Variants in MYH11 observed in about 807,000 individuals in gnomAD.
MYH11 encodes the protein myosin-11.
A neutral mutation model predicts 246.6 loss-of-function variants in MYH11; 80 were observed. The ratio of observed to expected loss-of-function variants is 0.32; its 90% CI spans 0.27 to 0.39. The LOEUF (loss-of-function observed/expected upper bound fraction) is 0.39. Among genes scored for constraint, MYH11 ranks in the 10% least tolerant of loss-of-function variants. The probability of loss-of-function intolerance (pLI) is 1.00; values close to 1 mark genes in which losing one functional copy is unlikely to be tolerated. For missense variants in MYH11, 2,158 were observed against 2,546.8 expected (o/e 0.85, Z 3.29); for synonymous variants, 1,071 against 1,015.5 (o/e 1.05, Z -1.04).
intron 20 of MYH11, among the ~76,000 whole-genome samples, chr16:15,744,655 A>G (rs1490879282): frequency 6.6e-6 from 1 of 151,932 alleles, no homozygotes; most frequent in Non-Finnish European, 1.5e-5. Flanking sequence ...GGTGCCTGCC[A>G]CCATACCCAG....
Position 15,831,609 on chromosome 16 carries a change from A to G in MYH11, c.345+6299T>C, listed in dbSNP as rs181292107. Among the ~76,000 whole-genome samples, 177 of 152,056 alleles carry G rather than the reference A, an allele frequency of 1.2e-3. 1 individual carries two copies. Among genetic ancestry groups the G allele is most frequent in the African/African-American group, 4.0e-3 (165 of 41,482 alleles). On this transcript the variant is annotated intron_variant, in intron 2 of 40. Coordinates refer to ENST00000300036, the MANE Select transcript of MYH11 (RefSeq NM_002474.3). ...AGGTCTTTGCATAGATTATCCTTGT[A>G]TTACTGGAGGAGGTTCTTTGAAGCA...
chr16:15,748,069 C>T lies in MYH11; in HGVS notation c.2158G>A (p.Val720Ile), dbSNP rs756408490. The T allele has an allele frequency of 1.1e-5, 18 of 1,614,106 alleles. No individual in the cohort carries two copies. Among genetic ancestry groups the T allele is most frequent in the African/African-American group, 2.7e-5 (2 of 74,948 alleles). ...ICRQGFPNRIVFQEFRQRYEI... is the reference protein window; with the variant it reads ...ICRQGFPNRIIFQEFRQRYEI... ...TACCGTTGGCGGAACTCCTGGAAGA[C>T]GATCCGGTTGGGGAAGCCCTGCCGG... Residue 720 changes from valine (V) to isoleucine (I), a missense_variant, in exon 17 of 41, where the codon GTC (valine) becomes ATC (isoleucine). Physicochemically the swap from Val to Ile is conservative, Grantham distance 29. Around this residue, in one of 11 missense-constraint regions of MYH11, gnomAD observed 317 missense variants for 507.7 expected, o/e 0.62. Coordinates refer to ENST00000300036, the MANE Select transcript of MYH11 (RefSeq NM_002474.3).
At chr16:15,833,227 G>T (rs1309779580) in intron 2 of MYH11, among the ~76,000 whole-genome samples, 1 of 151,684 alleles carries the variant, frequency 6.6e-6, no homozygotes, top group Non-Finnish European at 1.5e-5. Flanking sequence ...GTTCCAGGAG[G>T]CAGAGGTTGC....
chr16:15,738,335 A>G (rs974499691), intron 24 of MYH11, among the ~76,000 whole-genome samples: 6 of 151,808 alleles, frequency 4.0e-5, no homozygotes, highest in Non-Finnish European at 5.9e-5. Flanking sequence ...GTGAAACCCC[A>G]TCTCTACAAA....
At chr16:15,855,236 G>A (rs1454517921) in intron 1 of MYH11, among the ~76,000 whole-genome samples, 4 of 152,176 alleles carry the variant, frequency 2.6e-5, no homozygotes, top group Admixed American at 6.5e-5. Context: ...CTGGACTCTC[G>A]GCATGGCAGC....
At chr16:15,726,024 C>G (rs2040737496) in intron 28 of MYH11, 1 of 249,716 alleles carries the variant, frequency 4.0e-6, no homozygotes, top group Admixed American at 5.6e-5. Context: ...CCTAATTTTT[C>G]TACTTACCAC....
At chr16:15,853,538 C>T (rs1349372498) in intron 1 of MYH11, among the ~76,000 whole-genome samples, 2 of 152,208 alleles carry the variant, frequency 1.3e-5, no homozygotes, top group African/African-American at 4.8e-5. Flanking sequence ...TCCGACCTCC[C>T]CTTTCAGCCA....
chr16:15,771,082 C>T (rs2042089481), intron 9 of MYH11, among the ~76,000 whole-genome samples: 1 of 151,834 alleles, frequency 6.6e-6, no homozygotes, highest in Admixed American at 6.6e-5. Flanking sequence ...GCAACCTCTG[C>T]CTTCCGGGTT....
chr16:15,758,624 T>C (rs1485750746), intron 12 of MYH11, among the ~76,000 whole-genome samples: 1 of 145,556 alleles, frequency 6.9e-6, no homozygotes, highest in Non-Finnish European at 1.5e-5. Context: ...GCCAACAGGG[T>C]GAAACTCTGT....
rs373688047 is a variant in MYH11 at position 15,757,302 on chromosome 16, G to A, written c.1575+525C>T. The stretch of plus-strand genomic sequence containing the variant: ...CTCCCAAATAGCTGGGACCACAGGC[G>A]TGCACCACCAGGCCCGGCTAATTAG... On this transcript the variant is annotated intron_variant, in intron 13 of 40. Transcript: ENST00000300036. 3.3e-5 allele frequency among the ~76,000 whole-genome samples: 5 copies of A among 151,106 alleles called. No homozygotes were observed. The East Asian group carries it at 1.0e-3, about 31-fold the overall frequency.
chr16:15,787,866 C>T (rs948317443), intron 4 of MYH11, among the ~76,000 whole-genome samples: 4 of 151,956 alleles, frequency 2.6e-5, no homozygotes, highest in Non-Finnish European at 4.4e-5. Flanking sequence ...CCGGTTATCC[C>T]ATTGGTCACT....
Position 15,788,095 on chromosome 16 carries a change from T to TA in MYH11, c.531-1364dup, listed in dbSNP as rs1555569337. On this transcript the variant is annotated intron_variant, in intron 4 of 40. Transcript: ENST00000300036. The stretch of plus-strand genomic sequence containing the variant: ...GGTAGATCTTTTTTTTTTTTTTTTT[T>TA]ACCAAGATGGCTTTCGTGCACTAGC... Among the ~76,000 whole-genome samples the TA allele has an allele frequency of 1.9e-4, 19 of 99,522 alleles. 1 individual carries two copies. The highest frequency in any genetic ancestry group is 1.3e-3 in the South Asian group (3 of 2,354). The allele number at this position is 99,522 out of a possible 152,430, so 65.3% of individuals were successfully genotyped here.
At chr16:15,704,996 AAAG>A (rs2039372145) in intron 40 of MYH11, among the ~76,000 whole-genome samples, 1 of 152,080 alleles carries the variant, frequency 6.6e-6, no homozygotes, top group East Asian at 1.9e-4. Flanking sequence ...TGGATTTAAA[AAAG>A]AAATTTAAGA....
At position 15,773,747 on chromosome 16, in the gene MYH11, A is replaced by C. The variant is rs181348683; in HGVS notation, c.890-2035T>G. On this transcript the variant is annotated intron_variant, in intron 8 of 40. Coordinates refer to ENST00000300036, the MANE Select transcript of MYH11 (RefSeq NM_002474.3). The stretch of plus-strand genomic sequence containing the variant: ...GCTTTCTCACTAGGCAACAGAGTTG[A>C]GTAGTTGCAACAGAGGCCATCTGGT... 2.0e-5 allele frequency among the ~76,000 whole-genome samples: 3 copies of C among 152,310 alleles called. 1 individual carries two copies. Among genetic ancestry groups the C allele is most frequent in the Admixed American group, 1.3e-4 (2 of 15,296 alleles).
chr16:15,724,790 G>C lies in MYH11; in HGVS notation c.3973C>G (p.Gln1325Glu), dbSNP rs150033906. Residue 1325 changes from glutamine to glutamate, a missense_variant, in exon 30 of 41, where the codon CAA (glutamine) becomes GAA (glutamate). By Grantham distance (29) the Gln-to-Glu change is conservative (BLOSUM62 2). Coordinates refer to ENST00000300036, the MANE Select transcript of MYH11 (RefSeq NM_002474.3). Reference sequence around the variant, plus strand: ...TTGAGCTTCTGCCGGGTTTCTTCTTGAAGCAGCTCCTGCAAAAGGGATGCA... The same window carrying C: ...TTGAGCTTCTGCCGGGTTTCTTCTTCAAGCAGCTCCTGCAAAAGGGATGCA... Reference protein sequence around the residue: ...SQLQDTQELLQEETRQKLNVS... With the variant: ...SQLQDTQELLEEETRQKLNVS... The C allele has an allele frequency of 5.2e-4, 835 of 1,613,970 alleles. No homozygotes were observed. The highest frequency in any genetic ancestry group is 4.3e-4 in the Non-Finnish European group (507 of 1,180,036).
intron 4 of MYH11, among the ~76,000 whole-genome samples, chr16:15,794,539 T>C (rs2042698702): frequency 6.6e-6 from 1 of 152,248 alleles, no homozygotes; most frequent in Admixed American, 6.5e-5. Flanking sequence ...GTGTGCCAAG[T>C]CCTTGCTAAC....
intron 36 of MYH11, 42 bp from the exon 37 acceptor site, chr16:15,718,480 C>T (rs1044388041): frequency 1.4e-5 from 21 of 1,537,428 alleles, no homozygotes; most frequent in Middle Eastern, 2.1e-4. Context: ...TACCCTCCCC[C>T]GCCTTAAAAG....
intron 2 of MYH11, among the ~76,000 whole-genome samples, chr16:15,829,882 C>A (rs1567205454): frequency 6.6e-6 from 1 of 152,178 alleles, no homozygotes; most frequent in Non-Finnish European, 1.5e-5. Flanking sequence ...CACCTGTAAT[C>A]CCGGCACTTT....
In MYH11 at chr16:15,837,950, C is replaced by A; in HGVS notation, c.303G>T (p.Val101=). 6.2e-7 allele frequency: 1 copy of A among 1,614,146 alleles called. No homozygotes were observed. The highest frequency in any genetic ancestry group is 8.5e-7 in the Non-Finnish European group (1 of 1,180,022). Reference sequence around the variant, plus strand: ...AGTACCGCTCCCTCAGGTTGTGTAGCACGGAGGCTTCGTTGAGGCACGTCA... The same window carrying A: ...AGTACCGCTCCCTCAGGTTGTGTAGAACGGAGGCTTCGTTGAGGCACGTCA... The part of the protein sequence containing the change: ...AELTCLNEAS[V]LHNLRERYFS... Residue 101 remains valine (V), a synonymous_variant, in exon 2 of 41, where the codon GTG becomes GTT. Transcript: ENST00000300036.
Sources: gnomAD v4.1 joint callset for allele counts (sites outside exome capture counted in the v4.1 genomes callset) on GRCh38, gnomAD v4.1.1 for gene constraint, gnomAD v4.1.1 regional missense constraint, MANE v1.5 for transcripts, NCBI Gene and HGNC (gene_info 2026-07-23, HGNC 2026-07-21) for gene names.